CEP112: variants seen among roughly 807,000 people sequenced by gnomAD.
CEP112 encodes centrosomal protein of 112 kDa.
A neutral mutation model predicts 153.0 loss-of-function variants in CEP112; 127 were observed. The ratio of observed to expected loss-of-function variants is 0.83; its 90% CI spans 0.72 to 0.96. The LOEUF (loss-of-function observed/expected upper bound fraction) is 0.96, where lower values mean the gene tolerates loss of function less well. Among genes scored for constraint, CEP112 ranks in the 40% least tolerant of loss-of-function variants. CEP112 has a pLI of 0.00. For synonymous variants in CEP112, 358 were observed against 374.4 expected, an observed-to-expected ratio of 0.96 and a Z score of 0.51; for missense variants, 1,089 against 1,101.2, an observed-to-expected ratio of 0.99 and a Z score of 0.16.
At chr17:65,980,919 A>G (rs2063203608) in intron 17 of CEP112, among the ~76,000 whole-genome samples, 1 of 152,136 alleles carries the variant, frequency 6.6e-6, no homozygotes, top group Non-Finnish European at 1.5e-5. Context: ...CTGGGATTAC[A>G]GGTGCCGGCC....
intron 6 of CEP112, among the ~76,000 whole-genome samples, chr17:66,124,135 C>T (rs186215766): frequency 6.6e-6 from 1 of 152,254 alleles, no homozygotes; most frequent in Admixed American, 6.5e-5. Context: ...GTTCAGTTCT[C>T]TAAGACTTCT....
At chr17:65,686,117 T>C (rs953835366) in intron 24 of CEP112, among the ~76,000 whole-genome samples, 2 of 48,778 alleles carry the variant, frequency 4.1e-5, no homozygotes, top group African/African-American at 1.6e-4. Flanking sequence ...AACTGGCTTT[T>C]TTTTTTTTTT....
At position 66,069,973 on chromosome 17, in the gene CEP112, G is replaced by T. The variant is rs1328682046; in HGVS notation, c.797C>A (p.Ala266Asp). Residue 266 changes from alanine (A) to aspartate (D), a missense_variant, in exon 9 of 27, where the codon GCT (alanine) becomes GAT (aspartate). Physicochemically the swap from Ala to Asp is moderately radical, Grantham distance 126. Coordinates refer to ENST00000535342, the MANE Select transcript of CEP112 (RefSeq NM_001199165.4). Reference protein sequence around the residue: ...ELDMKTKMMEAKFHEEKLKLQ... With the variant: ...ELDMKTKMMEDKFHEEKLKLQ... ...TTTAAGCTTTTCTTCATGAAATTTAGCTTCCATCATTTTTGTTTTCATGTC... is the reference window on the plus strand; with the variant it reads ...TTTAAGCTTTTCTTCATGAAATTTATCTTCCATCATTTTTGTTTTCATGTC... 1.9e-6 allele frequency: 3 copies of T among 1,605,908 alleles called. No homozygotes were observed. Among genetic ancestry groups the T allele is most frequent in the African/African-American group, 2.7e-5 (2 of 74,638 alleles).
At position 66,061,064 on chromosome 17, in the gene CEP112, C is replaced by CA. The variant is rs533428897; in HGVS notation, c.1074+1898dup. On this transcript the variant is annotated intron_variant, in intron 11 of 26. Coordinates refer to ENST00000535342, the MANE Select transcript of CEP112 (RefSeq NM_001199165.4). ...ATAAGAAACTCAAACAACTCAATAG[C>CA]AAAAAAACAAATATTCTGATGATTA... Among the ~76,000 whole-genome samples, 475 of 151,650 alleles carry CA rather than the reference C, an allele frequency of 3.1e-3. 1 individual carries two copies. The highest frequency in any genetic ancestry group is 0.01 in the Admixed American group (159 of 15,208).
At chr17:65,672,813 T>C (rs940697531) in intron 24 of CEP112, among the ~76,000 whole-genome samples, 1 of 152,100 alleles carries the variant, frequency 6.6e-6, no homozygotes, top group Non-Finnish European at 1.5e-5. Context: ...CACACACATA[T>C]CAAAAATTTG....
intron 21 of CEP112, among the ~76,000 whole-genome samples, chr17:65,773,038 G>A (rs1441025639): frequency 2.0e-5 from 3 of 152,166 alleles, no homozygotes; most frequent in African/African-American, 4.8e-5. Context: ...TCTGCAGTAG[G>A]CACTATTATC....
chr17:66,125,459 A>G (rs1196550173), intron 6 of CEP112, among the ~76,000 whole-genome samples: 2 of 152,172 alleles, frequency 1.3e-5, no homozygotes, highest in Non-Finnish European at 2.9e-5. Flanking sequence ...GGCTGCAGTG[A>G]GCACTATGAT....
chr17:66,180,686 T>C (rs2072684051), intron 2 of CEP112, among the ~76,000 whole-genome samples: 1 of 152,182 alleles, frequency 6.6e-6, no homozygotes, highest in African/African-American at 2.4e-5. Flanking sequence ...TAATGGTCTA[T>C]ATTATCTTGC....
chr17:66,083,666 C>T (rs191881882), intron 8 of CEP112, among the ~76,000 whole-genome samples: 4 of 152,170 alleles, frequency 2.6e-5, no homozygotes, highest in Admixed American at 6.5e-5. Context: ...CCGGGCAACA[C>T]GGTGAAACCC....
intron 19 of CEP112, among the ~76,000 whole-genome samples, chr17:65,915,508 G>A (rs28539922): frequency 3.3e-5 from 5 of 151,942 alleles, no homozygotes; most frequent in African/African-American, 9.7e-5. Context: ...AAACTAGGCC[G>A]GGTGCAGTAG....
chr17:66,050,628 A>C (rs8070489), intron 12 of CEP112, among the ~76,000 whole-genome samples: 149,112 of 152,060 alleles, frequency 0.98, 73,175 homozygotes, highest in East Asian at 1. Flanking sequence ...GTATAAAAAA[A>C]CCCCTTGTAC....
In CEP112 at chr17:65,941,409, A is replaced by C. The variant is rs186528224; in HGVS notation, c.1873-13720T>G. 1.3e-3 allele frequency: 194 copies of C among 152,336 alleles called. 2 individuals are homozygous for C. Among genetic ancestry groups the C allele is most frequent in the African/African-American group, 4.4e-3 (184 of 41,586 alleles). 9.4% of individuals were successfully genotyped at this position (152,336 alleles called of 1,614,324 possible). A position where few individuals can be genotyped will look rare whatever the true frequency, so the allele number is the denominator to read the frequency against. On this transcript the variant is annotated intron_variant, in intron 18 of 26. Coordinates refer to ENST00000535342, the MANE Select transcript of CEP112 (RefSeq NM_001199165.4). ...AAAAATTCAAAGTAAATAACAACTG[A>C]TATTATAACAAAACAAAATGCATGT... is the stretch of plus-strand genomic sequence containing the variant.
At chr17:65,648,109 G>A (rs908132153) in intron 24 of CEP112, among the ~76,000 whole-genome samples, 29 of 152,126 alleles carry the variant, frequency 1.9e-4, no homozygotes, top group Admixed American at 1.6e-3. Context: ...GGTATTCAAA[G>A]GCTGGTCTGC....
chr17:65,902,517 T>C (rs1336970656), intron 19 of CEP112, among the ~76,000 whole-genome samples, 183 bp from the exon 20 acceptor site: 3 of 152,014 alleles, frequency 2.0e-5, no homozygotes, highest in African/African-American at 7.3e-5. Flanking sequence ...CTCCTAATAT[T>C]CAAAATAGTT....
chr17:66,150,469 G>A (rs914154439), intron 4 of CEP112, among the ~76,000 whole-genome samples: 7 of 152,068 alleles, frequency 4.6e-5, no homozygotes, highest in East Asian at 1.9e-4. Context: ...GACCTCAAGC[G>A]ATCTGCCTGC....
intron 16 of CEP112, among the ~76,000 whole-genome samples, chr17:66,017,674 A>G (rs2064827984): frequency 6.6e-6 from 1 of 152,138 alleles, no homozygotes; most frequent in South Asian, 2.1e-4. Flanking sequence ...GGCAAAAGAG[A>G]ACAGATCAAT....
intron 21 of CEP112, 175 bp from the exon 22 acceptor site, chr17:65,750,899 CAAAAA>C: frequency 2.9e-6 from 1 of 347,756 alleles, no homozygotes; most frequent in Non-Finnish European, 5.0e-6. Context: ...ACTTAAAAAG[CAAAAA>C]AAAAAAAAAG....
chr17:66,189,857 C>A (rs1004743633), intron 1 of CEP112, among the ~76,000 whole-genome samples: 3 of 151,494 alleles, frequency 2.0e-5, no homozygotes, highest in Non-Finnish European at 4.4e-5. Context: ...ATAGTGAGAC[C>A]CTGTCTCTAC....
At chr17:66,030,751 T>C (rs929172677) in intron 12 of CEP112, among the ~76,000 whole-genome samples, 7 of 152,184 alleles carry the variant, frequency 4.6e-5, no homozygotes, top group Admixed American at 1.3e-4. Flanking sequence ...AGATACTTTA[T>C]CTAAAATTAG....
Sources: allele counts gnomAD v4.1 joint callset (sites outside exome capture counted in the v4.1 genomes callset), GRCh38; gene constraint gnomAD v4.1.1; transcripts MANE v1.5; gene names NCBI Gene and HGNC (gene_info 2026-07-23, HGNC 2026-07-21).